PTGES: variants seen among roughly 807,000 people sequenced by gnomAD.
The protein encoded by PTGES is MGST1-like 1.
PTGES carries 3 observed loss-of-function variants against 11.8 expected under a neutral mutation model. That is an observed-to-expected ratio of 0.25 (90% CI 0.12 to 0.66). The LOEUF (loss-of-function observed/expected upper bound fraction) is 0.66. Among genes scored for constraint, PTGES ranks in the 30% least tolerant of loss-of-function variants. PTGES has a pLI of 0.82. For missense variants in PTGES, 180 were observed against 213.0 expected, an observed-to-expected ratio of 0.85 and a Z score of 0.96; for synonymous variants, 94 against 90.4, an observed-to-expected ratio of 1.04 and a Z score of -0.22.
At chr9:129,751,915 C>T (rs1833114694) in intron 1 of PTGES, among the ~76,000 whole-genome samples, 1 of 152,244 alleles carries the variant, frequency 6.6e-6, no homozygotes, top group African/African-American at 2.4e-5. Flanking sequence ...AGCTGTTCTA[C>T]TTGATGCCCG....
intron 2 of PTGES, among the ~76,000 whole-genome samples, chr9:129,744,571 C>CAAAAAAA (rs60799589): frequency 2.0e-5 from 1 of 50,370 alleles, no homozygotes; most frequent in African/African-American, 7.2e-5. Context: ...GACCCTGTCA[C>CAAAAAAA]AAAAAAAAAA....
chr9:129,752,185 T>C (rs1833118663), intron 1 of PTGES, among the ~76,000 whole-genome samples: 1 of 152,218 alleles, frequency 6.6e-6, no homozygotes. Flanking sequence ...AAATGATTGC[T>C]TTATTAAAAT....
intron 2 of PTGES, 86 bp downstream of exon 2, chr9:129,748,569 T>A (rs1007232637): frequency 6.5e-6 from 7 of 1,079,026 alleles, no homozygotes; most frequent in South Asian, 1.8e-5. Flanking sequence ...CCCCTGGGAG[T>A]CCTCCAAGTC....
At chr9:129,751,367 C>A (rs867675257) in intron 1 of PTGES, among the ~76,000 whole-genome samples, 1 of 148,072 alleles carries the variant, frequency 6.8e-6, no homozygotes, top group Non-Finnish European at 1.5e-5. Context: ...AAAAAGGAAT[C>A]GCTGGCCTGC....
intron 1 of PTGES, among the ~76,000 whole-genome samples, chr9:129,752,677 C>T (rs1833124726): frequency 1.3e-5 from 2 of 152,230 alleles, no homozygotes; most frequent in South Asian, 2.1e-4. Context: ...GCACGGCAAG[C>T]GAGTAAGTGC....
chr9:129,739,920 TGA>T lies in PTGES; in HGVS notation c.210-62_210-61del, dbSNP rs1832979287. 1 of 1,517,070 alleles carries T rather than the reference TGA, an allele frequency of 6.6e-7. No homozygotes were observed. The highest frequency in any genetic ancestry group is 8.9e-7 in the Non-Finnish European group (1 of 1,128,288). 94.0% of individuals were successfully genotyped at this position (1,517,070 alleles called of 1,614,324 possible). On this transcript the variant is annotated intron_variant, in intron 2 of 2. Coordinates refer to ENST00000340607, the MANE Select transcript of PTGES (RefSeq NM_004878.5). This position sits in a 1 kb window ranked among gnomAD's most constrained non-coding sequence, Gnocchi z 5.7. ...TTAGCTTTGGGGCCATAGGCCCTTT[TGA>T]GAGTGTCATGGAAGCTGGGGGTGCT...
intron 2 of PTGES, among the ~76,000 whole-genome samples, chr9:129,742,389 T>C (rs12553596): frequency 0.072 from 10,881 of 150,956 alleles, 474 homozygotes; most frequent in East Asian, 0.19. Context: ...CTCTGGCAAT[T>C]GAGCTGTGGG....
chr9:129,752,455 A>G (rs1450015892), intron 1 of PTGES, among the ~76,000 whole-genome samples: 1 of 152,132 alleles, frequency 6.6e-6, no homozygotes, highest in Non-Finnish European at 1.5e-5. Flanking sequence ...TGTTAGTGAC[A>G]TTTGCCAGGA....
At chr9:129,749,632 A>G (rs563013366) in intron 1 of PTGES, 1 of 152,462 alleles carries the variant, frequency 6.6e-6, no homozygotes, top group Non-Finnish European at 1.5e-5. Flanking sequence ...CCTGGGCAAC[A>G]GAGCCAGACT....
chr9:129,749,740 G>T (rs1323531596), intron 1 of PTGES: 1 of 152,410 alleles, frequency 6.6e-6, no homozygotes, highest in Non-Finnish European at 1.5e-5. Flanking sequence ...ATTCAAGGCA[G>T]AAGGGACAGC....
intron 2 of PTGES, among the ~76,000 whole-genome samples, chr9:129,743,982 G>A (rs1052656401): frequency 2.0e-5 from 3 of 152,170 alleles, no homozygotes; most frequent in Non-Finnish European, 4.4e-5. Context: ...CTGAGTAGCT[G>A]AGACTACAGG....
intron 1 of PTGES, among the ~76,000 whole-genome samples, chr9:129,752,399 C>T (rs909760668): frequency 3.9e-5 from 6 of 152,196 alleles, no homozygotes; most frequent in East Asian, 1.9e-4. Context: ...CTGAGCACCC[C>T]GACGGTGCCC....
At chr9:129,752,856 C>G (rs773861223) in intron 1 of PTGES, 31 bp downstream of exon 1, 4 of 1,613,662 alleles carry the variant, frequency 2.5e-6, no homozygotes, top group Non-Finnish European at 2.5e-6. Context: ...CAAGTATGAC[C>G]CAGGCCGGGG....
At position 129,739,306 on chromosome 9, in the gene PTGES, G is replaced by A. The variant is rs1475019169; in HGVS notation, c.*305C>T. On this transcript the variant is annotated 3_prime_UTR_variant, in exon 3 of 3. Transcript: ENST00000340607. This position sits in a 1 kb window ranked among gnomAD's most constrained non-coding sequence, Gnocchi z 5.7. ...TCACTGTTAGGGAGGGAGAGGGAGTGATGTTTTTGATGCTCTGTTACTTTA... is the reference window on the plus strand; with the variant it reads ...TCACTGTTAGGGAGGGAGAGGGAGTAATGTTTTTGATGCTCTGTTACTTTA... 4 of 347,420 alleles carry A rather than the reference G, an allele frequency of 1.2e-5. No homozygotes were observed. The East Asian group carries it at 1.7e-4, about 15-fold the overall frequency. The allele number at this position is 347,420 out of a possible 1,614,324, so 21.5% of individuals were successfully genotyped here. A position where few individuals can be genotyped will look rare whatever the true frequency, so the allele number is the denominator to read the frequency against.
chr9:129,740,041 C>T (rs1832980296), intron 2 of PTGES, among the ~76,000 whole-genome samples, 181 bp from the exon 3 acceptor site: 1 of 151,926 alleles, frequency 6.6e-6, no homozygotes, highest in African/African-American at 2.4e-5. Context: ...CAGAAGAAGG[C>T]AGCTCCAAGC....
Position 129,739,564 on chromosome 9 carries a change from C to A in PTGES, c.*47G>T. ...ATCAAGTCCCCAGGTATAGCCACGGCGGCTCTTGGCCCATGGTCTGGTGGC... is the reference window on the plus strand; with the variant it reads ...ATCAAGTCCCCAGGTATAGCCACGGAGGCTCTTGGCCCATGGTCTGGTGGC... On this transcript the variant is annotated 3_prime_UTR_variant, in exon 3 of 3. Coordinates refer to ENST00000340607, the MANE Select transcript of PTGES (RefSeq NM_004878.5). This position sits in a 1 kb window ranked among gnomAD's most constrained non-coding sequence, Gnocchi z 5.7. 1.3e-6 allele frequency: 2 copies of A among 1,530,632 alleles called. No individual in the cohort carries two copies. Among genetic ancestry groups the A allele is most frequent in the African/African-American group, 1.4e-5 (1 of 72,780 alleles). 94.8% of individuals were successfully genotyped at this position (1,530,632 alleles called of 1,614,324 possible).
At chr9:129,748,215 TAAAAAAA>T (rs67000610) in intron 2 of PTGES, among the ~76,000 whole-genome samples, 14 of 71,030 alleles carry the variant, frequency 2.0e-4, no homozygotes, top group South Asian at 4.7e-4. Flanking sequence ...GTTGCCATAT[TAAAAAAA>T]AAAAAAAAAA....
At chr9:129,751,342 TTAA>T (rs1361402167) in intron 1 of PTGES, among the ~76,000 whole-genome samples, 8 of 118,526 alleles carry the variant, frequency 6.7e-5, no homozygotes, top group African/African-American at 2.6e-4. Flanking sequence ...TAAATAATAA[TTAA>T]AAAAAAAAAA....
chr9:129,744,268 C>G (rs1470616698), intron 2 of PTGES, among the ~76,000 whole-genome samples: 4 of 152,310 alleles, frequency 2.6e-5, no homozygotes, highest in Non-Finnish European at 5.9e-5. Context: ...TGACTGCCCT[C>G]AGATGCTCCG....
Sources: allele counts gnomAD v4.1 joint callset (sites outside exome capture counted in the v4.1 genomes callset), GRCh38; gene constraint gnomAD v4.1.1; non-coding constraint Gnocchi (gnomAD v3.1); transcripts MANE v1.5; gene names NCBI Gene and HGNC (gene_info 2026-07-23, HGNC 2026-07-21).